PTPRO: variants seen among roughly 807,000 people sequenced by gnomAD.
PTPRO encodes the protein protein tyrosine phosphatase receptor type O, also known as receptor-type tyrosine-protein phosphatase O.
In PTPRO, 62 loss-of-function variants were observed where a neutral mutation model predicts 145.2. The ratio of observed to expected loss-of-function variants is 0.43; its 90% CI spans 0.35 to 0.53. The LOEUF (loss-of-function observed/expected upper bound fraction) is 0.53. PTPRO is among the 20% of genes least tolerant of loss of function. The probability of loss-of-function intolerance (pLI) is 0.01; values close to 1 mark genes in which losing one functional copy is unlikely to be tolerated. For synonymous variants in PTPRO, 565 were observed against 514.7 expected (o/e 1.10, Z -1.32); for missense variants, 1,345 against 1,482.7 (o/e 0.91, Z 1.53).
At chr12:15,370,095 G>A (rs1428818440) in intron 1 of PTPRO, among the ~76,000 whole-genome samples, 1 of 152,106 alleles carries the variant, frequency 6.6e-6, no homozygotes, top group Non-Finnish European at 1.5e-5. Flanking sequence ...GGAAGTGTAT[G>A]TTATCTCAAT....
chr12:15,524,991 G>T (rs778823707), intron 11 of PTPRO, 26 bp downstream of exon 11: 15 of 1,611,908 alleles, frequency 9.3e-6, no homozygotes, highest in Non-Finnish European at 1.3e-5. Flanking sequence ...TGCCAGCATT[G>T]TGTGTCTGTA....
chr12:15,559,237 A>T (rs1943714415), intron 16 of PTPRO, among the ~76,000 whole-genome samples: 1 of 152,224 alleles, frequency 6.6e-6, no homozygotes, highest in African/African-American at 2.4e-5. Context: ...TCACTTCAGG[A>T]TCTTTCTATA....
chr12:15,407,457 C>G (rs1239187888), intron 1 of PTPRO, among the ~76,000 whole-genome samples: 1 of 152,118 alleles, frequency 6.6e-6, no homozygotes. Context: ...AAATATTAGT[C>G]TTGGGGCAAT....
chr12:15,507,713 C>T (rs1205308897), intron 6 of PTPRO, among the ~76,000 whole-genome samples: 1 of 152,200 alleles, frequency 6.6e-6, no homozygotes, highest in Admixed American at 6.5e-5. Flanking sequence ...TATCATTTCC[C>T]TTGCACCATT....
chr12:15,514,409 G>A (rs1309759766), intron 7 of PTPRO, among the ~76,000 whole-genome samples: 2 of 139,386 alleles, frequency 1.4e-5, no homozygotes, highest in Non-Finnish European at 3.0e-5. Flanking sequence ...CCCAGATCAT[G>A]CCACTTCACT....
Position 15,483,972 on chromosome 12 carries a change from A to G in PTPRO, c.76-2A>G. The G allele has an allele frequency of 6.2e-7, 1 of 1,612,992 alleles. No homozygotes were observed. Among genetic ancestry groups the G allele is most frequent in the Non-Finnish European group, 8.5e-7 (1 of 1,179,100 alleles). ...CTCTTTTTATTCTGTTTCATTCAAC[A>G]GAATGCTACAGCTTTCCATGTAACT... is the stretch of plus-strand genomic sequence containing the variant. On this transcript the variant is annotated splice_acceptor_variant, in intron 1 of 26. Transcript: ENST00000281171. LOFTEE classifies it high-confidence loss of function.
chr12:15,502,512 A>G (rs1265480081), intron 5 of PTPRO, among the ~76,000 whole-genome samples: 1 of 152,230 alleles, frequency 6.6e-6, no homozygotes, highest in Non-Finnish European at 1.5e-5. Flanking sequence ...AATATGAGGC[A>G]TGTGTCCTGC....
At chr12:15,507,388 T>C (rs1423142402) in intron 6 of PTPRO, among the ~76,000 whole-genome samples, 1 of 150,710 alleles carries the variant, frequency 6.6e-6, no homozygotes, top group African/African-American at 2.4e-5. Context: ...CCAGCCTGGG[T>C]GACAGAGTGA....
chr12:15,386,638 C>A (rs993482074), intron 1 of PTPRO, among the ~76,000 whole-genome samples: 2 of 152,090 alleles, frequency 1.3e-5, no homozygotes, highest in Non-Finnish European at 2.9e-5. Context: ...ATTGAAGATG[C>A]ACTGTATAAT....
Position 15,516,038 on chromosome 12 carries a change from T to C in PTPRO, c.1585+420T>C, listed in dbSNP as rs545665028. 7.5e-5 allele frequency among the ~76,000 whole-genome samples: 11 copies of C among 146,374 alleles called. No individual in the cohort carries two copies. In the South Asian group the frequency reaches 2.4e-3, roughly 32 times the overall value. ...CAGAGTCTCGCTCTGTCACCCAGGT[T>C]GGAATGCAGTGGTGCAATCTCAGTT... On this transcript the variant is annotated intron_variant, in intron 8 of 26. Coordinates refer to ENST00000281171, the MANE Select transcript of PTPRO (RefSeq NM_030667.3).
chr12:15,574,647 C>T (rs1328068192), intron 19 of PTPRO, among the ~76,000 whole-genome samples: 4 of 152,180 alleles, frequency 2.6e-5, no homozygotes, highest in East Asian at 3.9e-4. Flanking sequence ...CTTATGGACA[C>T]GTAATCTAGT....
Position 15,454,395 on chromosome 12 carries a change from AT to A in PTPRO, c.76-29573del, listed in dbSNP as rs569915191. On this transcript the variant is annotated intron_variant, in intron 1 of 26. Transcript: ENST00000281171. ...AAAATGTCTATTTAAGGACTTTCCC[AT>A]TTTTTAATCTGGTTATTTCTATACT... Among the ~76,000 whole-genome samples, 12 of 152,160 alleles carry A rather than the reference AT, an allele frequency of 7.9e-5. No individual in the cohort carries two copies. The East Asian group carries it at 2.3e-3, about 29-fold the overall frequency.
chr12:15,375,847 G>T (rs1406223623), intron 1 of PTPRO, among the ~76,000 whole-genome samples: 1 of 148,974 alleles, frequency 6.7e-6, no homozygotes, highest in East Asian at 2.0e-4. Context: ...AACTAAAACA[G>T]AATATTTGAG....
intron 1 of PTPRO, among the ~76,000 whole-genome samples, chr12:15,425,733 T>TTTCATATGTA (rs71042250): frequency 6.6e-6 from 1 of 151,402 alleles, no homozygotes; most frequent in Non-Finnish European, 1.5e-5. Context: ...CAAAATAGAT[T>TTTCATATGTA]CATGCATTTT....
chr12:15,470,350 C>A (rs1329994527), intron 1 of PTPRO, among the ~76,000 whole-genome samples: 2 of 152,148 alleles, frequency 1.3e-5, no homozygotes, highest in Non-Finnish European at 2.9e-5. Flanking sequence ...ACCTCAGTTT[C>A]TTCTTCTGTG....
At chr12:15,333,105 C>T (rs766164647) in intron 1 of PTPRO, among the ~76,000 whole-genome samples, 54 of 152,114 alleles carry the variant, frequency 3.5e-4, no homozygotes, top group Admixed American at 2.0e-4. Flanking sequence ...GGGTGTTCCA[C>T]GATGAACCAT....
intron 1 of PTPRO, among the ~76,000 whole-genome samples, chr12:15,328,052 T>C (rs1228904925): frequency 8.6e-5 from 13 of 151,508 alleles, no homozygotes. Flanking sequence ...AGGCGGAGGT[T>C]GCAGTGAGCA....
chr12:15,444,334 A>G (rs1591817337), intron 1 of PTPRO, among the ~76,000 whole-genome samples: 1 of 152,094 alleles, frequency 6.6e-6, no homozygotes, highest in East Asian at 1.9e-4. Context: ...GGACTACTCA[A>G]GGGGAGAGGG....
intron 23 of PTPRO, among the ~76,000 whole-genome samples, chr12:15,586,339 C>T (rs533081605): frequency 6.6e-6 from 1 of 152,274 alleles, no homozygotes; most frequent in South Asian, 2.1e-4. Flanking sequence ...TGAACAGCAC[C>T]ATGGTACTGT....
Sources: allele counts gnomAD v4.1 joint callset (sites outside exome capture counted in the v4.1 genomes callset), GRCh38; gene constraint gnomAD v4.1.1; transcripts MANE v1.5; gene names NCBI Gene and HGNC (gene_info 2026-07-23, HGNC 2026-07-21).